Variants in KSR2 observed in about 807,000 individuals in gnomAD.
KSR2 encodes the protein kinase suppressor of ras 2.
In KSR2, 25 loss-of-function variants were observed where a neutral mutation model predicts 107.8. That is an observed-to-expected ratio of 0.23 (90% CI 0.17 to 0.32). The LOEUF (loss-of-function observed/expected upper bound fraction) is 0.32, where lower values mean the gene tolerates loss of function less well. Among genes scored for constraint, KSR2 ranks in the 10% least tolerant of loss-of-function variants. KSR2 has a pLI of 1.00. For synonymous variants in KSR2, 480 were observed against 507.0 expected, an observed-to-expected ratio of 0.95 and a Z score of 0.71; for missense variants, 887 against 1,268.9, an observed-to-expected ratio of 0.70 and a Z score of 4.57.
chr12:117,630,359 ATG>A (rs58496440), intron 5 of KSR2, among the ~76,000 whole-genome samples: 10 of 151,000 alleles, frequency 6.6e-5, no homozygotes, highest in African/African-American at 9.7e-5. Flanking sequence ...AAGGAAGAAA[ATG>A]TGTGTGTGTG....
At position 117,693,797 on chromosome 12, in the gene KSR2, G is replaced by A. The variant is rs149352768; in HGVS notation, c.987-26139C>T. 3.9e-3 allele frequency among the ~76,000 whole-genome samples: 597 copies of A among 152,224 alleles called. 8 individuals are homozygous for A. Among genetic ancestry groups the A allele is most frequent in the African/African-American group, 0.012 (495 of 41,540 alleles). ...CCTACCGTCATCCCCACTGACAGAT[G>A]GTATACCTGCGGCTCACAGGGGAGA... On this transcript the variant is annotated intron_variant, in intron 4 of 19. Coordinates refer to ENST00000339824, the MANE Select transcript of KSR2 (RefSeq NM_173598.6).
At chr12:117,732,471 G>C (rs1256260805) in intron 4 of KSR2, among the ~76,000 whole-genome samples, 1 of 151,988 alleles carries the variant, frequency 6.6e-6, no homozygotes, top group African/African-American at 2.4e-5. Context: ...TGTATTTTTA[G>C]TAGAGATGGG....
At chr12:117,540,262 A>G (rs574991225) in intron 9 of KSR2, among the ~76,000 whole-genome samples, 45 of 152,316 alleles carry the variant, frequency 3.0e-4, no homozygotes, top group African/African-American at 1.1e-3. Context: ...TGTTTATTAA[A>G]GAATCAACAG....
At chr12:117,556,613 G>A (rs547788958) in intron 8 of KSR2, among the ~76,000 whole-genome samples, 2 of 152,248 alleles carry the variant, frequency 1.3e-5, no homozygotes, top group Admixed American at 1.3e-4. Flanking sequence ...GCAGCAGTCT[G>A]CCTCCTTCTT....
chr12:117,846,092 A>G (rs1892695964), intron 3 of KSR2, among the ~76,000 whole-genome samples: 1 of 151,602 alleles, frequency 6.6e-6, no homozygotes, highest in South Asian at 2.1e-4. Context: ...AGCCTGCCCT[A>G]CAGATTTCAG....
At chr12:117,916,068 G>A (rs1486218540) in intron 1 of KSR2, among the ~76,000 whole-genome samples, 2 of 151,172 alleles carry the variant, frequency 1.3e-5, no homozygotes, top group Admixed American at 1.3e-4. Flanking sequence ...AGGGGCTGAA[G>A]ATGAATTCTT....
intron 10 of KSR2, among the ~76,000 whole-genome samples, chr12:117,534,452 C>T (rs994270827): frequency 6.6e-6 from 1 of 152,142 alleles, no homozygotes; most frequent in Non-Finnish European, 1.5e-5. Context: ...CTTGCATTTG[C>T]TCAAGGACTC....
At chr12:117,528,367 G>C (rs1263241161) in intron 12 of KSR2, among the ~76,000 whole-genome samples, 1 of 152,136 alleles carries the variant, frequency 6.6e-6, no homozygotes, top group Non-Finnish European at 1.5e-5. Flanking sequence ...TGAAGGCATG[G>C]AAGAGCTGAG....
chr12:117,838,771 A>C (rs1307366610), intron 3 of KSR2, among the ~76,000 whole-genome samples: 1 of 152,024 alleles, frequency 6.6e-6, no homozygotes, highest in African/African-American at 2.4e-5. Context: ...TCAGACCAAA[A>C]TCTCCCCTGA....
chr12:117,722,012 G>A (rs1432635098), intron 4 of KSR2, among the ~76,000 whole-genome samples: 1 of 152,116 alleles, frequency 6.6e-6, no homozygotes, highest in Non-Finnish European at 1.5e-5. Flanking sequence ...TAGCGCAACT[G>A]AAGAATTAAA....
chr12:117,768,545 A>C (rs1391097434), intron 3 of KSR2, among the ~76,000 whole-genome samples: 1 of 152,164 alleles, frequency 6.6e-6, no homozygotes, highest in Non-Finnish European at 1.5e-5. Context: ...TGTGTAGGGA[A>C]GCTGAGCATC....
intron 3 of KSR2, among the ~76,000 whole-genome samples, chr12:117,786,044 A>C (rs1890061747): frequency 6.6e-6 from 1 of 152,224 alleles, no homozygotes. Flanking sequence ...TTGAAAGCCA[A>C]AGAAAATCTT....
At chr12:117,833,138 C>T (rs1056201227) in intron 3 of KSR2, among the ~76,000 whole-genome samples, 4 of 152,188 alleles carry the variant, frequency 2.6e-5, no homozygotes, top group Non-Finnish European at 4.4e-5. Context: ...GCGGCCTTTG[C>T]TAGGCCCAGG....
intron 4 of KSR2, among the ~76,000 whole-genome samples, chr12:117,725,845 G>A (rs11068654): frequency 0.085 from 12,862 of 152,152 alleles, 687 homozygotes; most frequent in African/African-American, 0.14. Context: ...GACTCAAGAG[G>A]GGGAGGCACA....
At chr12:117,963,171 C>T (rs544019775) in intron 1 of KSR2, among the ~76,000 whole-genome samples, 56 of 151,806 alleles carry the variant, frequency 3.7e-4, no homozygotes, top group African/African-American at 1.3e-3. Flanking sequence ...GCCTGAGCAA[C>T]GGAGCGAGAC....
At chr12:117,938,958 G>A (rs1339708159) in intron 1 of KSR2, among the ~76,000 whole-genome samples, 2 of 151,380 alleles carry the variant, frequency 1.3e-5, no homozygotes, top group African/African-American at 2.4e-5. Context: ...CTGGGAATCA[G>A]TCAAGCAGAC....
intron 14 of KSR2, among the ~76,000 whole-genome samples, chr12:117,493,443 G>T (rs916989461): frequency 1.1e-4 from 16 of 152,026 alleles, no homozygotes; most frequent in African/African-American, 3.6e-4. Context: ...TGTCATTCAC[G>T]GAGTTCCAAT....
At chr12:117,584,332 A>T (rs890213806) in intron 5 of KSR2, among the ~76,000 whole-genome samples, 2 of 147,402 alleles carry the variant, frequency 1.4e-5, no homozygotes, top group Non-Finnish European at 3.0e-5. Context: ...GACTGAAGTC[A>T]GATGTGGGAG....
intron 7 of KSR2, among the ~76,000 whole-genome samples, chr12:117,578,167 A>T (rs1259180533): frequency 6.6e-6 from 1 of 152,098 alleles, no homozygotes; most frequent in African/African-American, 2.4e-5. Context: ...GGAGTTAGGG[A>T]TCTGGGTTCA....
Sources: allele counts gnomAD v4.1 joint callset (sites outside exome capture counted in the v4.1 genomes callset), GRCh38; gene constraint gnomAD v4.1.1; transcripts MANE v1.5; gene names NCBI Gene and HGNC (gene_info 2026-07-23, HGNC 2026-07-21).